Variants in BNC1 observed in about 807,000 individuals in gnomAD.
The protein encoded by BNC1 is basonuclin zinc finger protein 1.
Under a neutral mutation model 66.5 loss-of-function variants are expected in BNC1, and 8 were observed. The ratio of observed to expected loss-of-function variants is 0.12; its 90% CI spans 0.07 to 0.22. The LOEUF is 0.22. Ranked by LOEUF, BNC1 falls within the 10% of genes least tolerant of loss-of-function variation. The probability of loss-of-function intolerance (pLI) is 1.00; values close to 1 mark genes in which losing one functional copy is unlikely to be tolerated. For synonymous variants in BNC1, 454 were observed against 452.6 expected (o/e 1.00, Z -0.04); for missense variants, 1,069 against 1,241.3 (o/e 0.86, Z 2.09).
At chr15:83,283,102 CAATT>C (rs1027818059) in intron 1 of BNC1, 12 of 1,533,964 alleles carry the variant, frequency 7.8e-6, no homozygotes, top group Non-Finnish European at 9.6e-6. Flanking sequence ...TTCACTCACA[CAATT>C]AAGGCTGGGA....
chr15:83,264,857 C>G, intron 3 of BNC1, 42 bp from the exon 4 acceptor site: 3 of 1,563,802 alleles, frequency 1.9e-6, no homozygotes, highest in Non-Finnish European at 2.6e-6. Context: ...CAATTTACAA[C>G]TCCTTACCCT....
intron 1 of BNC1, among the ~76,000 whole-genome samples, chr15:83,271,597 G>T (rs567590110): frequency 6.6e-6 from 1 of 152,220 alleles, no homozygotes; most frequent in South Asian, 2.1e-4. Context: ...AATAAAAATT[G>T]GTCTTGGGGG....
chr15:83,272,311 AC>A (rs1248647570), intron 1 of BNC1, among the ~76,000 whole-genome samples: 1 of 151,300 alleles, frequency 6.6e-6, no homozygotes, highest in Non-Finnish European at 1.5e-5. Flanking sequence ...GCTCAATGCA[AC>A]CTCCACCTCC....
chr15:83,259,859 C>T (rs1411023644), intron 4 of BNC1, among the ~76,000 whole-genome samples: 1 of 152,126 alleles, frequency 6.6e-6, no homozygotes, highest in Non-Finnish European at 1.5e-5. Flanking sequence ...CCAGTAACTA[C>T]TACAACTGTA....
rs1319341954 is a variant in BNC1 at position 83,258,114 on chromosome 15, G to C, written c.2313C>G (p.Asn771Lys). The change falls in exon 5 of 5, where the codon AAC becomes AAG. Residue 771 changes from asparagine to lysine, a missense_variant. Asn to Lys is a moderately conservative substitution (Grantham distance 94). This residue lies in a region of BNC1 where 657 missense variants were observed against 715.8 expected (regional missense o/e 0.92). Coordinates refer to ENST00000345382, the MANE Select transcript of BNC1 (RefSeq NM_001717.4). ...SRRSRDRHSS[N>K]LNLHQKALSQ... ...TCAATGCTTTTTGGTGGAGGTTTAG[G>C]TTTGAGCTGTGTCTACAAGAGTGAA... 6.2e-7 allele frequency: 1 copy of C among 1,600,582 alleles called. No individual in the cohort carries two copies. Among genetic ancestry groups the C allele is most frequent in the Admixed American group, 1.7e-5 (1 of 59,756 alleles).
At chr15:83,283,379 A>C in intron 1 of BNC1, 1 of 1,284,906 alleles carries the variant, frequency 7.8e-7, no homozygotes, top group Non-Finnish European at 9.9e-7. Context: ...GCAGCGGGAG[A>C]CCCCGCAGCG....
intron 2 of BNC1, 23 bp from the exon 3 acceptor site, chr15:83,267,094 TG>T: frequency 6.3e-7 from 1 of 1,579,080 alleles, no homozygotes; most frequent in Non-Finnish European, 8.7e-7. Context: ...ATTGAGGAAA[TG>T]TCATTTTGAA....
At chr15:83,283,064 T>TG in intron 1 of BNC1, 1 of 1,477,578 alleles carries the variant, frequency 6.8e-7, no homozygotes, top group Non-Finnish European at 9.1e-7. Context: ...GAGCGTCTGA[T>TG]GCCCCCCGCC....
At chr15:83,267,129 C>T in intron 2 of BNC1, 58 bp from the exon 3 acceptor site, 5 of 1,407,806 alleles carry the variant, frequency 3.6e-6, no homozygotes, top group Middle Eastern at 1.8e-4. Flanking sequence ...AAGAGAAACA[C>T]TGCAAAAAAA....
In BNC1 at chr15:83,263,822, C is replaced by A; in HGVS notation, c.1429G>T (p.Val477Leu). 6.2e-7 allele frequency: 1 copy of A among 1,614,154 alleles called. No homozygotes were observed. Among genetic ancestry groups the A allele is most frequent in the Non-Finnish European group, 8.5e-7 (1 of 1,180,040 alleles). The change falls in exon 4 of 5, where the codon GTG becomes TTG. Residue 477 changes from valine to leucine, a missense_variant. Physicochemically the swap from Val to Leu is conservative, Grantham distance 32. Transcript: ENST00000345382. ...PAFPNIGQNG[V>L]LFPNLKTVQP... ...ACTGTCTTTAGGTTGGGAAAAAGCA[C>A]ACCATTTTGCCCAATGTTTGGGAAG... is the stretch of plus-strand genomic sequence containing the variant.
At chr15:83,268,032 T>C in intron 2 of BNC1, 101 bp downstream of exon 2, 1 of 951,208 alleles carries the variant, frequency 1.1e-6, no homozygotes, top group Non-Finnish European at 1.6e-6. Flanking sequence ...ACTAGTTTAC[T>C]AGTTAGTTGT....
chr15:83,259,046 T>C (rs1429437498), intron 4 of BNC1, among the ~76,000 whole-genome samples: 1 of 152,226 alleles, frequency 6.6e-6, no homozygotes, highest in Non-Finnish European at 1.5e-5. Context: ...AACGTTTCAC[T>C]ATCCTATACC....
chr15:83,263,279 A>G lies in BNC1; in HGVS notation c.1972T>C (p.Phe658Leu). Residue 658 changes from phenylalanine to leucine, a missense_variant, in exon 4 of 5, where the codon TTC (phenylalanine) becomes CTC (leucine). This residue lies in a region of BNC1 where 657 missense variants were observed against 715.8 expected (regional missense o/e 0.92). Transcript: ENST00000345382. Reference sequence around the variant, plus strand: ...ACTTGGGGTTCCATCCCAGGTGTGAAGTAGTGTTCATGGCCACCATCCTCG... The same window carrying G: ...ACTTGGGGTTCCATCCCAGGTGTGAGGTAGTGTTCATGGCCACCATCCTCG... Reference protein sequence around the residue: ...EVEDGGHEHYFTPGMEPQVPF... With the variant: ...EVEDGGHEHYLTPGMEPQVPF... 1 of 1,614,174 alleles carries G rather than the reference A, an allele frequency of 6.2e-7. No homozygotes were observed. Among genetic ancestry groups the G allele is most frequent in the South Asian group, 1.1e-5 (1 of 91,078 alleles).
At chr15:83,277,020 C>T (rs968365174) in intron 1 of BNC1, among the ~76,000 whole-genome samples, 3 of 152,182 alleles carry the variant, frequency 2.0e-5, no homozygotes, top group Non-Finnish European at 2.9e-5. Flanking sequence ...AATTTAAAAA[C>T]CCAGTCTGGC....
Position 83,262,386 on chromosome 15 carries a change from C to T in BNC1, c.2300+565G>A, listed in dbSNP as rs536067436. Among the ~76,000 whole-genome samples, 6 of 152,144 alleles carry T rather than the reference C, an allele frequency of 3.9e-5. No homozygotes were observed. In the South Asian group the frequency reaches 1.2e-3, roughly 32 times the overall value. ...ATTTCTTATCCCACACCCTTGTGGC[C>T]GGATGTGTTTCTGAGTTCAGAATTT... On this transcript the variant is annotated intron_variant, in intron 4 of 4. Coordinates refer to ENST00000345382, the MANE Select transcript of BNC1 (RefSeq NM_001717.4).
intron 3 of BNC1, among the ~76,000 whole-genome samples, chr15:83,266,213 AAAG>A (rs2038216131): frequency 6.6e-6 from 1 of 151,348 alleles, no homozygotes; most frequent in Non-Finnish European, 1.5e-5. Flanking sequence ...ATACTGGAGA[AAAG>A]AAGAGAATAT....
chr15:83,259,757 T>A (rs976247961), intron 4 of BNC1, among the ~76,000 whole-genome samples: 2 of 152,176 alleles, frequency 1.3e-5, no homozygotes, highest in African/African-American at 4.8e-5. Flanking sequence ...TCCTGAGTAT[T>A]CCATGCATAC....
Position 83,263,654 on chromosome 15 carries a change from G to C in BNC1, c.1597C>G (p.Pro533Ala). The C allele has an allele frequency of 6.2e-7, 1 of 1,614,192 alleles. No individual in the cohort carries two copies. Among genetic ancestry groups the C allele is most frequent in the Non-Finnish European group, 8.5e-7 (1 of 1,180,036 alleles). Residue 533 changes from proline (P) to alanine (A), a missense_variant, in exon 4 of 5, where the codon CCC becomes GCC. Coordinates refer to ENST00000345382, the MANE Select transcript of BNC1 (RefSeq NM_001717.4). ...CTGGACTTCCTGGATTTCTTCTTGG[G>C]AAGGGCATCAAATGGCATTTCGTTT... ...ISNEMPFDALPKKKSRKSSMP... is the reference protein window; with the variant it reads ...ISNEMPFDALAKKKSRKSSMP...
intron 1 of BNC1, chr15:83,283,282 T>C (rs2151441434): frequency 6.6e-7 from 1 of 1,524,402 alleles, no homozygotes; most frequent in East Asian, 2.5e-5. Context: ...CGCCACAATC[T>C]TGTCACATCT....
Sources: allele counts gnomAD v4.1 joint callset (sites outside exome capture counted in the v4.1 genomes callset), GRCh38; gene constraint gnomAD v4.1.1; regional missense constraint gnomAD v4.1.1; transcripts MANE v1.5; gene names NCBI Gene and HGNC (gene_info 2026-07-23, HGNC 2026-07-21).